The following RNF17 variants were observed in gnomAD, a reference collection of about 807,000 sequenced individuals.
RNF17 encodes ring finger protein 17.
Under a neutral mutation model 200.5 loss-of-function variants are expected in RNF17, and 31 were observed. The ratio of observed to expected loss-of-function variants is 0.15; its 90% CI spans 0.12 to 0.21. The LOEUF (loss-of-function observed/expected upper bound fraction) is 0.21. Ranked by LOEUF, RNF17 falls within the 10% of genes least tolerant of loss-of-function variation. The probability of loss-of-function intolerance (pLI) is 1.00; values close to 1 mark genes in which losing one functional copy is unlikely to be tolerated. For missense variants in RNF17, 1,628 were observed against 1,905.1 expected, an observed-to-expected ratio of 0.85 and a Z score of 2.71; for synonymous variants, 606 against 637.8, an observed-to-expected ratio of 0.95 and a Z score of 0.75.
rs9551156 is a variant in RNF17, at chr13:24,842,149, C to T, written c.2591C>T (p.Ser864Phe). The T allele has an allele frequency of 3.1e-6, 5 of 1,601,832 alleles. No homozygotes were observed. The highest frequency in any genetic ancestry group is 3.4e-6 in the Non-Finnish European group (4 of 1,174,900). ...CAGCTAGTTAAAGAGGGCCTAGCATCTTATGAAATAGGGTAAGTAGATATG... is the reference window on the plus strand; with the variant it reads ...CAGCTAGTTAAAGAGGGCCTAGCATTTTATGAAATAGGGTAAGTAGATATG... ...NDQLVKEGLA[S>F]YEIGYILKDN... is the part of the protein sequence containing the mutation. The change falls in exon 19 of 36, where the codon TCT becomes TTT. Residue 864 changes from serine to phenylalanine, a missense_variant. By Grantham distance (155) the Ser-to-Phe change is radical. Around this residue, in one of 5 missense-constraint regions of RNF17, gnomAD observed 227 missense variants for 319.8 expected, o/e 0.71. Transcript: ENST00000255324.
intron 31 of RNF17, 95 bp from the exon 32 acceptor site, chr13:24,870,476 T>C: frequency 1.9e-6 from 2 of 1,034,584 alleles, no homozygotes; most frequent in Non-Finnish European, 1.5e-6. Context: ...TCTGGGAGCA[T>C]CGCTGGAGGC....
At chr13:24,868,313 A>G (rs989047071) in intron 30 of RNF17, among the ~76,000 whole-genome samples, 1 of 144,272 alleles carries the variant, frequency 6.9e-6, no homozygotes, top group South Asian at 2.2e-4. Context: ...TACTAAAAAT[A>G]CAAAAAATTA....
At chr13:24,862,503 A>G (rs1015804628) in intron 27 of RNF17, among the ~76,000 whole-genome samples, 6 of 152,184 alleles carry the variant, frequency 3.9e-5, no homozygotes, top group African/African-American at 7.2e-5. Context: ...GAACAGGTTT[A>G]TATTTTTAAA....
In RNF17 at chr13:24,866,943, T is replaced by C. The variant is rs184206778; in HGVS notation, c.4161+740T>C. On this transcript the variant is annotated intron_variant, in intron 30 of 35. Coordinates refer to ENST00000255324, the MANE Select transcript of RNF17 (RefSeq NM_031277.3). ...CCTCACCAGATTACTACTTGTATTC[T>C]GTTTTTCTAGCCATTTTAGGATAGG... is the stretch of plus-strand genomic sequence containing the variant. Among the ~76,000 whole-genome samples, 759 of 152,346 alleles carry C rather than the reference T, an allele frequency of 5.0e-3. 7 individuals carry two copies. The highest frequency in any genetic ancestry group is 7.9e-3 in the Non-Finnish European group (535 of 68,036).
At chr13:24,812,503 A>G (rs1593316280) in intron 15 of RNF17, among the ~76,000 whole-genome samples, 1 of 151,846 alleles carries the variant, frequency 6.6e-6, no homozygotes, top group South Asian at 2.1e-4. Context: ...GCTTCGGCTC[A>G]CGCATGGTGC....
At chr13:24,839,393 T>C (rs1288223571) in intron 18 of RNF17, among the ~76,000 whole-genome samples, 1 of 152,072 alleles carries the variant, frequency 6.6e-6, no homozygotes, top group Non-Finnish European at 1.5e-5. Context: ...ATTCTAAAAT[T>C]CATATAGAAC....
chr13:24,836,941 T>C (rs1040858032), intron 18 of RNF17, among the ~76,000 whole-genome samples: 1 of 152,084 alleles, frequency 6.6e-6, no homozygotes. Context: ...TCAGAATGGG[T>C]AAGAACTCAC....
At chr13:24,840,940 G>A (rs1234855354) in intron 18 of RNF17, among the ~76,000 whole-genome samples, 1 of 152,064 alleles carries the variant, frequency 6.6e-6, no homozygotes, top group Non-Finnish European at 1.5e-5. Context: ...TTATAACTTG[G>A]TTAATATAGA....
intron 15 of RNF17, among the ~76,000 whole-genome samples, chr13:24,823,896 C>T (rs997977565): frequency 6.6e-6 from 1 of 152,202 alleles, no homozygotes; most frequent in African/African-American, 2.4e-5. Flanking sequence ...GCAGTTCTTC[C>T]TGCCTGTGTT....
intron 10 of RNF17, 32 bp from the exon 11 acceptor site, chr13:24,796,105 T>G (rs1348641083): frequency 6.6e-7 from 1 of 1,517,942 alleles, no homozygotes; most frequent in Non-Finnish European, 9.0e-7. Flanking sequence ...TAACTCATGG[T>G]TTATTAATGT....
At chr13:24,882,673 TG>T (rs1434519014), downstream of RNF17, 1 of 157,038 alleles carries the variant, frequency 6.4e-6, no homozygotes, top group Non-Finnish European at 1.4e-5. Flanking sequence ...CATCCACTGT[TG>T]TAACTTCCCA....
the RNF17 span, among the ~76,000 whole-genome samples, chr13:24,753,883 G>A: frequency 5.3e-5 from 8 of 152,166 alleles, no homozygotes; most frequent in Non-Finnish European, 7.3e-5. Context: ...CTGGCCGGGC[G>A]TGGTGGCTCA....
Position 24,800,483 on chromosome 13 carries a change from C to G in RNF17, c.1707C>G (p.Ile569Met). The G allele has an allele frequency of 6.2e-7, 1 of 1,613,426 alleles. No homozygotes were observed. Among genetic ancestry groups the G allele is most frequent in the Non-Finnish European group, 8.5e-7 (1 of 1,179,622 alleles). ...ATACTGAAGGGCTGCTAAAAGACAT[C>G]CAGCCATTAGCACAACCATGCTCAT... ...EPYTEGLLKD[I>M]QPLAQPCSLK... The change falls in exon 13 of 36, where the codon ATC becomes ATG. Residue 569 changes from isoleucine (I) to methionine (M), a missense_variant. Coordinates refer to ENST00000255324, the MANE Select transcript of RNF17 (RefSeq NM_031277.3).
chr13:24,848,390 G>A (rs1034636425), intron 22 of RNF17, among the ~76,000 whole-genome samples: 8 of 152,136 alleles, frequency 5.3e-5, no homozygotes, highest in African/African-American at 9.7e-5. Context: ...GGCCGGACGC[G>A]GTGGCCCACG....
intron 9 of RNF17, among the ~76,000 whole-genome samples, chr13:24,791,014 A>ATT: frequency 6.6e-6 from 1 of 152,212 alleles, no homozygotes; most frequent in Admixed American, 6.5e-5. Flanking sequence ...GCTATATTAG[A>ATT]CAATGTGGCA....
At chr13:24,817,147 C>T (rs1351842307) in intron 15 of RNF17, among the ~76,000 whole-genome samples, 1 of 152,066 alleles carries the variant, frequency 6.6e-6, no homozygotes, top group Admixed American at 6.6e-5. Context: ...GTTAGTATTC[C>T]TCCATCTTTT....
At chr13:24,864,672 A>T (rs940687945) in intron 28 of RNF17, among the ~76,000 whole-genome samples, 4 of 152,186 alleles carry the variant, frequency 2.6e-5, no homozygotes, top group African/African-American at 9.7e-5. Flanking sequence ...TTGAAAGTGT[A>T]TATTACATAA....
intron 13 of RNF17, 115 bp from the exon 14 acceptor site, chr13:24,802,266 G>A: frequency 2.3e-6 from 2 of 871,984 alleles, no homozygotes; most frequent in East Asian, 2.7e-5. Context: ...AATGTCTGCG[G>A]TTGGTTCAGT....
At chr13:24,807,135 A>G (rs1371933436) in intron 15 of RNF17, among the ~76,000 whole-genome samples, 2 of 151,892 alleles carry the variant, frequency 1.3e-5, no homozygotes, top group Non-Finnish European at 2.9e-5. Flanking sequence ...TTATAGCAGC[A>G]TGATTTATAG....
Sources: gnomAD v4.1 joint callset for allele counts (sites outside exome capture counted in the v4.1 genomes callset) on GRCh38, gnomAD v4.1.1 for gene constraint, gnomAD v4.1.1 regional missense constraint, MANE v1.5 for transcripts, NCBI Gene and HGNC (gene_info 2026-07-23, HGNC 2026-07-21) for gene names.